Variants in NUP214 observed in about 807,000 individuals in gnomAD.
NUP214 encodes the protein nuclear pore complex protein Nup214.
A neutral mutation model predicts 196.2 loss-of-function variants in NUP214; 79 were observed. The observed-to-expected ratio is 0.40, with a 90% CI of 0.34 to 0.49. The LOEUF (loss-of-function observed/expected upper bound fraction) is 0.49. Ranked by LOEUF, NUP214 falls within the 20% of genes least tolerant of loss-of-function variation. NUP214 has a pLI of 0.58. For missense variants in NUP214, 2,468 were observed against 2,539.0 expected (o/e 0.97, Z 0.60); for synonymous variants, 1,020 against 990.5 (o/e 1.03, Z -0.56).
rs1298344359 is a variant in NUP214 at position 131,178,352 on chromosome 9, C to A, written c.3361C>A (p.Gln1121Lys). The A allele has an allele frequency of 6.2e-7, 1 of 1,613,904 alleles. No homozygotes were observed. The highest frequency in any genetic ancestry group is 8.5e-7 in the Non-Finnish European group (1 of 1,179,902). The part of the protein sequence containing the change: ...LTESTLKNVP[Q>K]VVNVQELKNN... ...TGAATCAACGTTGAAGAATGTCCCT[C>A]AAGTGGTAAATGTGCAGGAATTGAA... The change falls in exon 24 of 36, where the codon CAA becomes AAA. Residue 1121 changes from glutamine (Q) to lysine (K), a missense_variant. By Grantham distance (53) the Gln-to-Lys change is moderately conservative. Around this residue, in one of 5 missense-constraint regions of NUP214, gnomAD observed 1,801 missense variants for 1,779.4 expected, o/e 1.01. Coordinates refer to ENST00000359428, the MANE Select transcript of NUP214 (RefSeq NM_005085.4).
In NUP214 at chr9:131,139,379, C is replaced by A. The variant is rs528903060; in HGVS notation, c.1104C>A (p.Asp368Glu). The A allele has an allele frequency of 1.3e-6, 2 of 1,594,572 alleles. No individual in the cohort carries two copies. The highest frequency in any genetic ancestry group is 1.7e-5 in the Admixed American group (1 of 58,166). ...DDSLPMGVVV[D>E]YTNQVEITIS... is the part of the protein sequence containing the mutation. ...CCTTGCCCATGGGAGTTGTCGTAGA[C>A]TATACAAACCAAGTGGAAATCACCA... Residue 368 changes from aspartate (D) to glutamate (E), a missense_variant, in exon 10 of 36, where the codon GAC becomes GAA. This residue lies in a region of NUP214 where 1,801 missense variants were observed against 1,779.4 expected (regional missense o/e 1.01). Transcript: ENST00000359428.
intron 24 of NUP214, among the ~76,000 whole-genome samples, chr9:131,185,464 C>A (rs1833427521): frequency 6.6e-6 from 1 of 152,142 alleles, no homozygotes; most frequent in African/African-American, 2.4e-5. Context: ...GTTATAGCAC[C>A]ATTTTCTTCT....
intron 9 of NUP214, among the ~76,000 whole-genome samples, chr9:131,138,970 C>G (rs1831823768): frequency 6.6e-6 from 1 of 152,172 alleles, no homozygotes; most frequent in Non-Finnish European, 1.5e-5. Context: ...CCCTAGTTGT[C>G]ATGGAAGGTA....
At chr9:131,131,272 G>A (rs1831537882) in intron 5 of NUP214, among the ~76,000 whole-genome samples, 1 of 152,188 alleles carries the variant, frequency 6.6e-6, no homozygotes, top group African/African-American at 2.4e-5. Context: ...TGTCTTTAAA[G>A]GTCTGTTTGT....
intron 32 of NUP214, among the ~76,000 whole-genome samples, chr9:131,223,727 A>ATTTATTTTTATT: frequency 6.4e-5 from 1 of 15,642 alleles, no homozygotes; most frequent in African/African-American, 1.5e-4. Context: ...TTATTTATTT[A>ATTTATTTTTATT]TTTTTTTTTT....
intron 17 of NUP214, among the ~76,000 whole-genome samples, chr9:131,155,447 T>TAAGGAAAAC (rs961870682): frequency 5.9e-5 from 9 of 152,206 alleles, no homozygotes; most frequent in Non-Finnish European, 2.9e-5. Flanking sequence ...AGTTGTCTGT[T>TAAGGAAAAC]TACTCTGCTG....
intron 30 of NUP214, among the ~76,000 whole-genome samples, chr9:131,209,356 G>C (rs2131069199): frequency 6.6e-6 from 1 of 152,274 alleles, no homozygotes; most frequent in African/African-American, 2.4e-5. Flanking sequence ...ACTCTGGCCT[G>C]GGTGACAAAG....
chr9:131,140,788 G>A, intron 11 of NUP214, 78 bp downstream of exon 11: 2 of 1,396,634 alleles, frequency 1.4e-6, no homozygotes, highest in Non-Finnish European at 2.0e-6. Flanking sequence ...TGAACATGGT[G>A]TGAAGACACA....
chr9:131,174,226 C>CT lies in NUP214; in HGVS notation c.3067dup (p.Ser1023PhefsTer15). 1 of 1,613,974 alleles carries CT rather than the reference C, an allele frequency of 6.2e-7. No homozygotes were observed. Among genetic ancestry groups the CT allele is most frequent in the Non-Finnish European group, 8.5e-7 (1 of 1,179,994 alleles). On this transcript the variant is annotated frameshift_variant, in exon 22 of 36. Coordinates refer to ENST00000359428, the MANE Select transcript of NUP214 (RefSeq NM_005085.4). LOFTEE classifies it high-confidence loss of function. ...CGGCACGCCCCCGTGGTTCGCACTC[C>CT]TTCCATCCAGCCCAGTCTCTTGCCC...
chr9:131,150,559 A>G, intron 15 of NUP214, 57 bp from the exon 16 acceptor site: 2 of 1,597,208 alleles, frequency 1.3e-6, no homozygotes, highest in East Asian at 2.2e-5. Flanking sequence ...GCACGATAGC[A>G]GTGACATTAC....
intron 9 of NUP214, chr9:131,136,357 G>C: frequency 5.8e-6 from 1 of 173,750 alleles, no homozygotes; most frequent in Non-Finnish European, 1.2e-5. Flanking sequence ...TCAAGTTTCT[G>C]CGTGACAGCA....
intron 17 of NUP214, among the ~76,000 whole-genome samples, chr9:131,158,628 C>T (rs754242289): frequency 4.6e-5 from 7 of 152,230 alleles, no homozygotes; most frequent in Admixed American, 1.3e-4. Context: ...CTTTCAGCAC[C>T]GTTTTGTCTC....
In NUP214 at chr9:131,130,761, C is replaced by G. The variant is rs1473205732; in HGVS notation, c.593-5C>G. 3 of 1,613,694 alleles carry G rather than the reference C, an allele frequency of 1.9e-6. No individual in the cohort carries two copies. Among genetic ancestry groups the G allele is most frequent in the Admixed American group, 1.7e-5 (1 of 59,994 alleles). On this transcript the variant is annotated splice_region_variant and splice_polypyrimidine_tract_variant and intron_variant, in intron 4 of 35. Transcript: ENST00000359428. ...TTTTCATTTGGTAATACTGTCTTTG[C>G]TCAGTGTGCTGGAGCCCCAAAGGAA...
At chr9:131,179,536 G>A (rs1221244361) in intron 24 of NUP214, among the ~76,000 whole-genome samples, 1 of 152,192 alleles carries the variant, frequency 6.6e-6, no homozygotes, top group Non-Finnish European at 1.5e-5. Context: ...CAGGGAGTTA[G>A]TGTCTGGTAC....
At chr9:131,154,252 G>A (rs2133526611) in intron 17 of NUP214, among the ~76,000 whole-genome samples, 1 of 151,896 alleles carries the variant, frequency 6.6e-6, no homozygotes, top group South Asian at 2.1e-4. Flanking sequence ...AATAGTTTTT[G>A]GGGGACAAGT....
intron 23 of NUP214, among the ~76,000 whole-genome samples, chr9:131,176,497 T>G (rs960295769): frequency 6.6e-6 from 1 of 151,950 alleles, no homozygotes; most frequent in Non-Finnish European, 1.5e-5. Context: ...AGGCAAATAT[T>G]TAAAAAATTT....
chr9:131,183,044 T>C (rs1022851867), intron 24 of NUP214, among the ~76,000 whole-genome samples: 1 of 152,216 alleles, frequency 6.6e-6, no homozygotes, highest in Non-Finnish European at 1.5e-5. Flanking sequence ...TCCACTGTAT[T>C]GTAAACCTCA....
At position 131,202,404 on chromosome 9, in the gene NUP214, T is replaced by C. The variant is rs561182184; in HGVS notation, c.5592+687T>C. On this transcript the variant is annotated intron_variant, in intron 30 of 35. Coordinates refer to ENST00000359428, the MANE Select transcript of NUP214 (RefSeq NM_005085.4). ...ATGTGTGTACACACACACACACACA[T>C]ATATATATTTTTGTTTGTTTGTTTG... Among the ~76,000 whole-genome samples, 550 of 151,606 alleles carry C rather than the reference T, an allele frequency of 3.6e-3. 5 individuals are homozygous for C. The highest frequency in any genetic ancestry group is 0.012 in the African/African-American group (503 of 41,354).
Position 131,216,298 on chromosome 9 carries a change from C to T in NUP214, c.5749+930C>T, listed in dbSNP as rs1185783580. Among the ~76,000 whole-genome samples, 5 of 149,640 alleles carry T rather than the reference C, an allele frequency of 3.3e-5. No individual in the cohort carries two copies. The Admixed American group carries it at 3.3e-4, about 10-fold the overall frequency. The stretch of plus-strand genomic sequence containing the variant: ...GGAGTGCAGTGGCGTGATCTTGGCT[C>T]ACTGCAAGCTCCACTTCCCGGGTTC... On this transcript the variant is annotated intron_variant, in intron 31 of 35. Transcript: ENST00000359428.
Sources: gnomAD v4.1 joint callset for allele counts (sites outside exome capture counted in the v4.1 genomes callset) on GRCh38, gnomAD v4.1.1 for gene constraint, gnomAD v4.1.1 regional missense constraint, MANE v1.5 for transcripts, NCBI Gene and HGNC (gene_info 2026-07-23, HGNC 2026-07-21) for gene names.